Variants in ANKRD6 observed in about 807,000 individuals in gnomAD.
ANKRD6 encodes ankyrin repeat domain 6.
ANKRD6 carries 56 observed loss-of-function variants against 82.3 expected under a neutral mutation model. That is an observed-to-expected ratio of 0.68 (90% confidence interval 0.55 to 0.85). The LOEUF is 0.85. Among genes scored for constraint, ANKRD6 ranks in the 40% least tolerant of loss-of-function variants. The pLI, the probability that ANKRD6 is intolerant of heterozygous loss-of-function variation, is 0.00. For synonymous variants in ANKRD6, 347 were observed against 352.1 expected (o/e 0.99, Z 0.16); for missense variants, 852 against 907.6 (o/e 0.94, Z 0.79).
Position 89,621,967 on chromosome 6 carries a change from A to G in ANKRD6, c.838A>G (p.Arg280Gly). ...GCGAAGCCTGAGGAAAAAGAGAGAG[A>G]GGCTCAAGGAAGAGAGGAGAGCCCA... is the stretch of plus-strand genomic sequence containing the variant. ...RGRSLRKKRE[R>G]LKEERRAQSV... is the part of the protein sequence containing the mutation. The change falls in exon 10 of 16, where the codon AGG becomes GGG. Residue 280 changes from arginine to glycine, a missense_variant. Transcript: ENST00000339746. 1.2e-6 allele frequency: 2 copies of G among 1,613,566 alleles called. No homozygotes were observed. The highest frequency in any genetic ancestry group is 1.7e-6 in the Non-Finnish European group (2 of 1,179,878).
At position 89,570,061 on chromosome 6, in the gene ANKRD6, A is replaced by ATGTGTGTG. The variant is rs1322156749; in HGVS notation, c.120+2966_120+2967insGTGTGTGT. On this transcript the variant is annotated intron_variant, in intron 2 of 15. Transcript: ENST00000339746. ...TATACTCGTGTGTGTGTATGTGTGT[A>ATGTGTGTG]TATGTGTGTGTGTGTGTGTGTGTGT... 7.7e-3 allele frequency among the ~76,000 whole-genome samples: 564 copies of ATGTGTGTG among 72,886 alleles called. 5 individuals are homozygous for ATGTGTGTG. Among genetic ancestry groups the ATGTGTGTG allele is most frequent in the African/African-American group, 0.016 (327 of 19,996 alleles). 47.8% of individuals were successfully genotyped at this position (72,886 alleles called of 152,430 possible).
At chr6:89,601,996 AATCCAAGAAGGC>A (rs1797289489) in intron 3 of ANKRD6, 1 of 152,118 alleles carries the variant, frequency 6.6e-6, no homozygotes, top group South Asian at 2.1e-4. Context: ...CACATCATAG[AATCCAAGAAGGC>A]AATGGAGGGA....
chr6:89,558,483 A>G (rs114759776), intron 1 of ANKRD6, among the ~76,000 whole-genome samples: 106 of 152,278 alleles, frequency 7.0e-4, no homozygotes, highest in African/African-American at 2.5e-3. Flanking sequence ...AAGGCTACAC[A>G]CTGTATGATT....
chr6:89,531,739 C>T (rs1022941246), intron 1 of ANKRD6, among the ~76,000 whole-genome samples: 7 of 152,300 alleles, frequency 4.6e-5, no homozygotes, highest in Admixed American at 1.3e-4. Flanking sequence ...TTTGGGTGGC[C>T]CACACTACCA....
At chr6:89,518,786 T>C (rs1459969309) in intron 1 of ANKRD6, among the ~76,000 whole-genome samples, 1 of 152,178 alleles carries the variant, frequency 6.6e-6, no homozygotes, top group Non-Finnish European at 1.5e-5. Flanking sequence ...CCTAGAGCTA[T>C]GGAGATCTAT....
intron 1 of ANKRD6, among the ~76,000 whole-genome samples, chr6:89,514,666 G>A (rs1228327468): frequency 6.6e-6 from 1 of 152,192 alleles, no homozygotes; most frequent in Non-Finnish European, 1.5e-5. Flanking sequence ...TAATGCTGCA[G>A]TGAACATTCC....
At chr6:89,487,108 C>T (rs1422096274) in intron 1 of ANKRD6, among the ~76,000 whole-genome samples, 1 of 152,084 alleles carries the variant, frequency 6.6e-6, no homozygotes, top group African/African-American at 2.4e-5. Context: ...ATTAACTGGG[C>T]AAATTATTGA....
chr6:89,568,173 T>TA (rs1788978300), intron 2 of ANKRD6: 1 of 152,322 alleles, frequency 6.6e-6, no homozygotes, highest in Admixed American at 6.5e-5. Context: ...GATCTACCCA[T>TA]AGCACTTTCC....
At chr6:89,564,054 C>T (rs1787956278) in intron 1 of ANKRD6, among the ~76,000 whole-genome samples, 1 of 152,170 alleles carries the variant, frequency 6.6e-6, no homozygotes, top group Non-Finnish European at 1.5e-5. Context: ...GCTGGAGATC[C>T]TAGTAAGGAG....
chr6:89,451,921 G>A (rs1173498422), intron 1 of ANKRD6, among the ~76,000 whole-genome samples: 2 of 152,132 alleles, frequency 1.3e-5, no homozygotes, highest in East Asian at 3.8e-4. Flanking sequence ...TTTAGGCTGG[G>A]CATAGTGGCT....
At position 89,621,937 on chromosome 6, in the gene ANKRD6, C is replaced by T. The variant is rs768874007; in HGVS notation, c.808C>T (p.Arg270Cys). Residue 270 changes from arginine (R) to cysteine (C), a missense_variant, in exon 10 of 16, where the codon CGT (arginine) becomes TGT (cysteine). By Grantham distance (180) the Arg-to-Cys change is radical. Coordinates refer to ENST00000339746, the MANE Select transcript of ANKRD6 (RefSeq NM_001242809.2). ...CCTCCTTCAGGTCTTGCGCTTCAGTCGTGGGCGAAGCCTGAGGAAAAAGAG... is the reference window on the plus strand; with the variant it reads ...CCTCCTTCAGGTCTTGCGCTTCAGTTGTGGGCGAAGCCTGAGGAAAAAGAG... Reference protein sequence around the residue: ...TKAPQVLRFSRGRSLRKKRER... With the variant: ...TKAPQVLRFSCGRSLRKKRER... 2.4e-5 allele frequency: 39 copies of T among 1,613,762 alleles called. No homozygotes were observed. Among genetic ancestry groups the T allele is most frequent in the East Asian group, 4.5e-5 (2 of 44,882 alleles).
rs188853826 is a variant in ANKRD6, at chr6:89,543,738, G to A, written c.-143-23096G>A. On this transcript the variant is annotated intron_variant, in intron 1 of 15. Transcript: ENST00000339746. ...GACTGAATTGCAGCATCTGATGTCAGCCTCTGCTTTTCAGCTCCCTCTCTT... is the reference window on the plus strand; with the variant it reads ...GACTGAATTGCAGCATCTGATGTCAACCTCTGCTTTTCAGCTCCCTCTCTT... Among the ~76,000 whole-genome samples, 194 of 152,300 alleles carry A rather than the reference G, an allele frequency of 1.3e-3. 3 individuals carry two copies. Among genetic ancestry groups the A allele is most frequent in the Admixed American group, 0.011 (169 of 15,296 alleles).
At chr6:89,447,069 C>T (rs543355730) in intron 1 of ANKRD6, among the ~76,000 whole-genome samples, 24 of 152,194 alleles carry the variant, frequency 1.6e-4, no homozygotes, top group Non-Finnish European at 2.6e-4. Flanking sequence ...AATACACCAA[C>T]GTAGTGAAAT....
intron 1 of ANKRD6, among the ~76,000 whole-genome samples, chr6:89,451,752 A>G (rs1323859915): frequency 6.6e-6 from 1 of 152,204 alleles, no homozygotes; most frequent in Non-Finnish European, 1.5e-5. Flanking sequence ...AAAAGTGACC[A>G]TGTTTTTGTG....
chr6:89,596,289 A>G (rs2128154793), intron 3 of ANKRD6, among the ~76,000 whole-genome samples: 1 of 152,176 alleles, frequency 6.6e-6, no homozygotes, highest in East Asian at 1.9e-4. Flanking sequence ...TCTCTATTGT[A>G]CAAAATGCCT....
At position 89,557,018 on chromosome 6, in the gene ANKRD6, G is replaced by C. The variant is rs7765117; in HGVS notation, c.-143-9816G>C. Among the ~76,000 whole-genome samples the C allele has an allele frequency of 9.2e-3, 1,406 of 152,188 alleles. 21 individuals carry two copies. The highest frequency in any genetic ancestry group is 0.032 in the African/African-American group (1,315 of 41,518). On this transcript the variant is annotated intron_variant, in intron 1 of 15. Transcript: ENST00000339746. ...AGTGAATGTGGGATAGGGGGAAGGG[G>C]AAGAAGAGAAATGGGGGAGGAATGT...
At chr6:89,457,910 G>A (rs1773680588) in intron 1 of ANKRD6, among the ~76,000 whole-genome samples, 1 of 152,194 alleles carries the variant, frequency 6.6e-6, no homozygotes, top group African/African-American at 2.4e-5. Flanking sequence ...ACTAGGAGGT[G>A]GGGCCTTTGG....
At chr6:89,458,595 C>G (rs752824683) in intron 1 of ANKRD6, among the ~76,000 whole-genome samples, 1 of 152,164 alleles carries the variant, frequency 6.6e-6, no homozygotes, top group Non-Finnish European at 1.5e-5. Flanking sequence ...GCATCCAGCA[C>G]GGGAGAAAGA....
chr6:89,548,865 C>T (rs907102102), intron 1 of ANKRD6, among the ~76,000 whole-genome samples: 1 of 152,170 alleles, frequency 6.6e-6, no homozygotes, highest in Non-Finnish European at 1.5e-5. Context: ...TTTCTGTTAT[C>T]TCTGCTATGG....
Sources: gnomAD v4.1 joint callset for allele counts (sites outside exome capture counted in the v4.1 genomes callset) on GRCh38, gnomAD v4.1.1 for gene constraint, MANE v1.5 for transcripts, NCBI Gene and HGNC (gene_info 2026-07-23, HGNC 2026-07-21) for gene names.